TTC38: variants seen among roughly 807,000 people sequenced by gnomAD.
TTC38 encodes the protein tetratricopeptide repeat domain 38.
A neutral mutation model predicts 64.2 loss-of-function variants in TTC38; 64 were observed. That is an observed-to-expected ratio of 1.00 (90% CI 0.81 to 1.23). The LOEUF (loss-of-function observed/expected upper bound fraction) is 1.23. Ranked by LOEUF, TTC38 falls within the 50% of genes most tolerant of loss-of-function variation. TTC38 has a pLI of 0.00. For synonymous variants in TTC38, 254 were observed against 249.3 expected, an observed-to-expected ratio of 1.02 and a Z score of -0.18; for missense variants, 573 against 615.5, an observed-to-expected ratio of 0.93 and a Z score of 0.73.
Position 46,271,034 on chromosome 22 carries a change from T to A in TTC38, c.112-1301T>A, listed in dbSNP as rs1172180195. Among the ~76,000 whole-genome samples, 6 of 151,882 alleles carry A rather than the reference T, an allele frequency of 4.0e-5. No individual in the cohort carries two copies. Among genetic ancestry groups the A allele is most frequent in the African/African-American group, 1.5e-4 (6 of 41,292 alleles). ...CTCAATTAAAAAAAAAATGATAAAA[T>A]GAGCTTTGGGTAAGTTTTATCTTTC... On this transcript the variant is annotated intron_variant, in intron 2 of 13. Transcript: ENST00000381031. This position sits in a 1 kb window ranked among gnomAD's most constrained non-coding sequence, Gnocchi z 5.5.
chr22:46,286,004 G>A (rs2077568857), intron 9 of TTC38, among the ~76,000 whole-genome samples: 1 of 107,846 alleles, frequency 9.3e-6, no homozygotes, highest in African/African-American at 5.9e-5. Flanking sequence ...GACAGAGTGA[G>A]ACTCTGTCTC....
intron 8 of TTC38, 138 bp from the exon 9 acceptor site, chr22:46,285,103 C>T (rs773603396): frequency 4.0e-5 from 29 of 726,242 alleles, no homozygotes; most frequent in Non-Finnish European, 6.0e-5. Flanking sequence ...ACCAAGACAC[C>T]GTCCGTCCAC....
chr22:46,278,690 C>A, intron 6 of TTC38, 29 bp downstream of exon 6: 3 of 1,585,470 alleles, frequency 1.9e-6, no homozygotes, highest in Non-Finnish European at 1.7e-6. Context: ...AGGTGCCTGA[C>A]CCCTCAGGGA....
In TTC38 at chr22:46,282,365, ACG is replaced by A. The variant is rs369016909; in HGVS notation, c.735+649_735+650del. On this transcript the variant is annotated intron_variant, in intron 7 of 13. Transcript: ENST00000381031. The surrounding 1 kb of genome is among the most constrained non-coding windows in gnomAD (Gnocchi z 4.4). ...AGGTGGTGTCCAGGCAGAGGCAGAA[ACG>A]CCTGCAGAGGCCTCAGGGAAGGAAA... Among the ~76,000 whole-genome samples, 56 of 152,132 alleles carry A rather than the reference ACG, an allele frequency of 3.7e-4. No homozygotes were observed. The highest frequency in any genetic ancestry group is 1.3e-3 in the African/African-American group (53 of 41,506).
At chr22:46,279,371 G>T (rs918716894) in intron 6 of TTC38, among the ~76,000 whole-genome samples, 40 of 152,198 alleles carry the variant, frequency 2.6e-4, no homozygotes, top group Non-Finnish European at 4.3e-4. Context: ...GTGTCTGCTT[G>T]CATCCACACA....
chr22:46,288,929 C>T (rs1428012781), intron 11 of TTC38, among the ~76,000 whole-genome samples: 1 of 152,176 alleles, frequency 6.6e-6, no homozygotes, highest in Non-Finnish European at 1.5e-5. Context: ...GCTTACAGGC[C>T]CTGAGGTCCT....
chr22:46,288,702 G>T lies in TTC38; in HGVS notation c.1082+114G>T. On this transcript the variant is annotated intron_variant, in intron 11 of 13. Transcript: ENST00000381031. ...CCTGCCCCGCCTGTGAGTGCAGCAG[G>T]GGGGATGCCCATGGAGGCAGCTCCC... The T allele has an allele frequency of 5.4e-6, 6 of 1,106,868 alleles. No individual in the cohort carries two copies. In the South Asian group the frequency reaches 8.8e-5, roughly 16 times the overall value. The allele number at this position is 1,106,868 out of a possible 1,614,324, so 68.6% of individuals were successfully genotyped here.
At position 46,275,110 on chromosome 22, in the gene TTC38, C is replaced by T. The variant is rs1428206120; in HGVS notation, c.366-138C>T. The T allele has an allele frequency of 5.6e-5, 45 of 808,284 alleles. 1 individual carries two copies. The South Asian group carries it at 7.2e-4, about 13-fold the overall frequency. The allele number at this position is 808,284 out of a possible 1,614,324, so 50.1% of individuals were successfully genotyped here. A position where few individuals can be genotyped will look rare whatever the true frequency, so the allele number is the denominator to read the frequency against. ...TGCTGGGATTACAGGCATAAGCCAC[C>T]GCACCCAGTCAGAAACTGATTTTTA... On this transcript the variant is annotated intron_variant, in intron 4 of 13. Transcript: ENST00000381031. The surrounding 1 kb of genome is among the most constrained non-coding windows in gnomAD (Gnocchi z 4.5).
chr22:46,268,643 GT>G, intron 2 of TTC38, 52 bp downstream of exon 2: 1 of 1,547,892 alleles, frequency 6.5e-7, no homozygotes. Context: ...CTAGGGGAAG[GT>G]TTTTTAATTG....
chr22:46,288,659 G>A, intron 11 of TTC38, 71 bp downstream of exon 11: 2 of 1,491,528 alleles, frequency 1.3e-6, no homozygotes, highest in Non-Finnish European at 1.8e-6. Flanking sequence ...CTAGGGCCAT[G>A]CTGAGACCTG....
In TTC38 at chr22:46,289,815, T is replaced by A. The variant is rs199922049; in HGVS notation, c.1243-11T>A. ...GGTACAGGAGACTCACATGCCCGAT[T>A]GACATTTCAGAGAGACGTCTTCAAC... On this transcript the variant is annotated splice_polypyrimidine_tract_variant and intron_variant, in intron 12 of 13. Transcript: ENST00000381031. 8 of 1,614,108 alleles carry A rather than the reference T, an allele frequency of 5.0e-6. No individual in the cohort carries two copies. Among genetic ancestry groups the A allele is most frequent in the Non-Finnish European group, 6.8e-6 (8 of 1,179,958 alleles).
At chr22:46,286,640 C>T (rs548675077) in intron 9 of TTC38, among the ~76,000 whole-genome samples, 5 of 147,286 alleles carry the variant, frequency 3.4e-5, no homozygotes, top group Admixed American at 2.7e-4. Flanking sequence ...CCAGCCTGGG[C>T]GACAGAGGGA....
chr22:46,275,299 G>A lies in TTC38; in HGVS notation c.417G>A (p.Pro139=), dbSNP rs61733926. 1.1e-3 allele frequency: 1,784 copies of A among 1,614,106 alleles called. 17 individuals are homozygous for A. In the African/African-American group the frequency reaches 0.021, roughly 19 times the overall value. ...ELWEQILQDH[P]TDMLALKFSH... The stretch of plus-strand genomic sequence containing the variant: ...GGGAACAGATTCTCCAGGACCACCC[G>A]ACAGACATGTTGGCCCTGAAATTTT... Residue 139 remains proline (P), a synonymous_variant, in exon 5 of 14, where the codon CCG becomes CCA. Transcript: ENST00000381031. This position sits in a 1 kb window ranked among gnomAD's most constrained non-coding sequence, Gnocchi z 4.5.
At position 46,275,128 on chromosome 22, in the gene TTC38, G is replaced by A. The variant is rs374612154; in HGVS notation, c.366-120G>A. 9.8e-7 allele frequency: 1 copy of A among 1,019,688 alleles called. No homozygotes were observed. Among genetic ancestry groups the A allele is most frequent in the South Asian group, 1.7e-5 (1 of 58,988 alleles). 63.2% of individuals were successfully genotyped at this position (1,019,688 alleles called of 1,614,324 possible). On this transcript the variant is annotated intron_variant, in intron 4 of 13. Coordinates refer to ENST00000381031, the MANE Select transcript of TTC38 (RefSeq NM_017931.4). The surrounding 1 kb of genome is among the most constrained non-coding windows in gnomAD (Gnocchi z 4.5). ...AAGCCACCGCACCCAGTCAGAAACT[G>A]ATTTTTAAAAAAACACATCCATGTA...
At chr22:46,288,160 G>A (rs866925639) in intron 10 of TTC38, among the ~76,000 whole-genome samples, 25 of 152,306 alleles carry the variant, frequency 1.6e-4, no homozygotes, top group Admixed American at 3.9e-4. Context: ...TTGTCAAAGC[G>A]GCCAGAGGCT....
chr22:46,287,800 C>T (rs2077582378), intron 10 of TTC38, among the ~76,000 whole-genome samples: 1 of 152,228 alleles, frequency 6.6e-6, no homozygotes. Flanking sequence ...ATTCAGAAGG[C>T]TTCCTAGTGG....
rs57859102 is a variant in TTC38 at position 46,276,824 on chromosome 22, A to AATATATATATATAT, written c.539+1407_539+1420dup. ...ATTATATATTAAAATATATATATTA[A>AATATATATATATAT]ATATATATATATATATAAACATATA... On this transcript the variant is annotated intron_variant, in intron 5 of 13. Coordinates refer to ENST00000381031, the MANE Select transcript of TTC38 (RefSeq NM_017931.4). This position sits in a 1 kb window ranked among gnomAD's most constrained non-coding sequence, Gnocchi z 4.7. Among the ~76,000 whole-genome samples the AATATATATATATAT allele has an allele frequency of 1.1e-3, 159 of 139,530 alleles. No individual in the cohort carries two copies. The highest frequency in any genetic ancestry group is 3.8e-3 in the African/African-American group (138 of 36,164). The allele number at this position is 139,530 out of a possible 152,430, so 91.5% of individuals were successfully genotyped here. A position where few individuals can be genotyped will look rare whatever the true frequency, so the allele number is the denominator to read the frequency against.
intron 6 of TTC38, among the ~76,000 whole-genome samples, chr22:46,279,603 G>A (rs1452650478): frequency 6.6e-6 from 1 of 152,212 alleles, no homozygotes; most frequent in Non-Finnish European, 1.5e-5. Flanking sequence ...TAGTCGGCCT[G>A]CAGCATCCTC....
rs1351095764 is a variant in TTC38, at chr22:46,276,889, T to A, written c.539+1468T>A. Reference sequence around the variant, plus strand: ...ACTTTCACCGCAACACCTAGACTGGTGTTTCGCCAAACAGCTGAGCACCAC... The same window carrying A: ...ACTTTCACCGCAACACCTAGACTGGAGTTTCGCCAAACAGCTGAGCACCAC... On this transcript the variant is annotated intron_variant, in intron 5 of 13. Coordinates refer to ENST00000381031, the MANE Select transcript of TTC38 (RefSeq NM_017931.4). The surrounding 1 kb of genome is among the most constrained non-coding windows in gnomAD (Gnocchi z 4.7). Among the ~76,000 whole-genome samples, 2 of 148,540 alleles carry A rather than the reference T, an allele frequency of 1.3e-5. No homozygotes were observed. Among genetic ancestry groups the A allele is most frequent in the Admixed American group, 1.4e-4 (2 of 14,744 alleles).
Sources: allele counts gnomAD v4.1 joint callset (sites outside exome capture counted in the v4.1 genomes callset), GRCh38; gene constraint gnomAD v4.1.1; non-coding constraint Gnocchi (gnomAD v3.1); transcripts MANE v1.5; gene names NCBI Gene and HGNC (gene_info 2026-07-23, HGNC 2026-07-21).